POU2F2: variants seen among roughly 807,000 people sequenced by gnomAD.
POU2F2 encodes POU class 2 homeobox 2, also known as POU domain, class 2, transcription factor 2.
A neutral mutation model predicts 63.5 loss-of-function variants in POU2F2; 14 were observed. The ratio of observed to expected loss-of-function variants is 0.22; its 90% CI spans 0.15 to 0.34. The LOEUF (loss-of-function observed/expected upper bound fraction) is 0.34, where lower values mean the gene tolerates loss of function less well. Ranked by LOEUF, POU2F2 falls within the 10% of genes least tolerant of loss-of-function variation. POU2F2 has a pLI of 1.00. For missense variants in POU2F2, 607 were observed against 815.2 expected, an observed-to-expected ratio of 0.74 and a Z score of 3.11; for synonymous variants, 306 against 348.6, an observed-to-expected ratio of 0.88 and a Z score of 1.36.
Position 42,132,349 on chromosome 19 carries a change from C to G in POU2F2, c.28+35G>C, listed in dbSNP as rs577271104. On this transcript the variant is annotated intron_variant, in intron 1 of 14. Coordinates refer to ENST00000692977, the MANE Select transcript of POU2F2 (RefSeq NM_001394376.1). ...GAGCAAACCTAAATGTGCTGCCTGT[C>G]CTCTGAGCAGTGGCACAGGCACCAG... 13 of 1,583,540 alleles carry G rather than the reference C, an allele frequency of 8.2e-6. No homozygotes were observed. The African/African-American group carries it at 1.4e-4, about 17-fold the overall frequency.
chr19:42,122,252 C>T, intron 3 of POU2F2, 70 bp from the exon 4 acceptor site: 1 of 1,550,602 alleles, frequency 6.4e-7, no homozygotes, highest in Admixed American at 1.8e-5. Flanking sequence ...ACCCCCGCTC[C>T]CTGCCCTCCT....
At chr19:42,127,368 C>A (rs1165902649) in intron 1 of POU2F2, among the ~76,000 whole-genome samples, 1 of 151,774 alleles carries the variant, frequency 6.6e-6, no homozygotes, top group Non-Finnish European at 1.5e-5. Flanking sequence ...CAGAACCCAG[C>A]ATAAGCTCTG....
rs1030341795 is a variant in POU2F2 at position 42,086,532 on chromosome 19, A to G, written c.*4725T>C. 1 of 152,062 alleles carries G rather than the reference A, an allele frequency of 6.6e-6. No homozygotes were observed. Among genetic ancestry groups the G allele is most frequent in the African/African-American group, 2.4e-5 (1 of 41,370 alleles). The allele number at this position is 152,062 out of a possible 1,614,324, so 9.4% of individuals were successfully genotyped here. ...GGGCTGCGCCAATCAGGTCTTTACC[A>G]AGTAGGGTGGTCACCTTGCCCTAGT... is the stretch of plus-strand genomic sequence containing the variant. On this transcript the variant is annotated 3_prime_UTR_variant, in exon 15 of 15. Coordinates refer to ENST00000692977, the MANE Select transcript of POU2F2 (RefSeq NM_001394376.1).
Position 42,162,748 on chromosome 19 carries a change from C to T in POU2F2, c.-69-2356G>A, listed in dbSNP as rs1599695033. ...GCAGGGCCTGGCTCCTTTGGGGGTCCGAAGCATTGCCCAGCACAGGGAATG... is the reference window on the plus strand; with the variant it reads ...GCAGGGCCTGGCTCCTTTGGGGGTCTGAAGCATTGCCCAGCACAGGGAATG... On this transcript the variant is annotated intron_variant, in intron 1 of 6. Coordinates refer to the POU2F2 transcript ENST00000524801. This position sits in a 1 kb window ranked among gnomAD's most constrained non-coding sequence, Gnocchi z 4.1. 6.6e-6 allele frequency among the ~76,000 whole-genome samples: 1 copy of T among 152,038 alleles called. No homozygotes were observed. Among genetic ancestry groups the T allele is most frequent in the African/African-American group, 2.4e-5 (1 of 41,382 alleles).
In POU2F2 at chr19:42,162,009, G is replaced by C. The variant is rs1346608332; in HGVS notation, c.-69-1617C>G. On this transcript the variant is annotated intron_variant, in intron 1 of 6. Coordinates refer to the POU2F2 transcript ENST00000524801. This position sits in a 1 kb window ranked among gnomAD's most constrained non-coding sequence, Gnocchi z 4.1. ...CCCAGTCAAAACAATTAGCCGCGCT[G>C]AGTGTTGAACACGGTGGCGACACGG... Among the ~76,000 whole-genome samples, 1 of 152,224 alleles carries C rather than the reference G, an allele frequency of 6.6e-6. No individual in the cohort carries two copies. The highest frequency in any genetic ancestry group is 2.4e-5 in the African/African-American group (1 of 41,444).
At chr19:42,194,648 G>T (rs896455536) in intron 1 of POU2F2, among the ~76,000 whole-genome samples, 2 of 149,254 alleles carry the variant, frequency 1.3e-5, no homozygotes, top group Admixed American at 1.4e-4. Context: ...AATCCCAACT[G>T]CCAGGGAGGC....
intron 2 of POU2F2, among the ~76,000 whole-genome samples, chr19:42,139,844 C>T (rs1034901159): frequency 6.6e-6 from 1 of 152,220 alleles, no homozygotes; most frequent in African/African-American, 2.4e-5. Context: ...GGCCAACCTA[C>T]TCTAAAGAGG....
At chr19:42,101,252 T>C (rs2077130236) in intron 5 of POU2F2, among the ~76,000 whole-genome samples, 1 of 151,906 alleles carries the variant, frequency 6.6e-6, no homozygotes, top group Admixed American at 6.6e-5. Context: ...GGTTGCAGTG[T>C]CTCCCCCCAC....
At chr19:42,118,452 T>C (rs1456623261) in intron 4 of POU2F2, among the ~76,000 whole-genome samples, 1 of 152,190 alleles carries the variant, frequency 6.6e-6, no homozygotes, top group Non-Finnish European at 1.5e-5. Context: ...GCCACTCTTT[T>C]CAAAATCTAG....
chr19:42,100,085 CTT>C (rs948283094), intron 5 of POU2F2, among the ~76,000 whole-genome samples: 2 of 77,080 alleles, frequency 2.6e-5, no homozygotes, highest in African/African-American at 4.9e-5. Flanking sequence ...CCCTTTCTTT[CTT>C]TTTTTTTTTT....
chr19:42,136,882 C>G (rs1319659108), upstream of POU2F2: 1 of 152,264 alleles, frequency 6.6e-6, no homozygotes, highest in Non-Finnish European at 1.5e-5. Context: ...CAGCTCCTGG[C>G]TGAAGGTGGG....
At chr19:42,190,515 C>T (rs2035064369) in intron 1 of POU2F2, among the ~76,000 whole-genome samples, 1 of 151,938 alleles carries the variant, frequency 6.6e-6, no homozygotes, top group Non-Finnish European at 1.5e-5. Context: ...AGTTCTACCA[C>T]CTGGACCACA....
intron 2 of POU2F2, among the ~76,000 whole-genome samples, chr19:42,154,551 G>C (rs2034421175): frequency 6.6e-6 from 1 of 152,124 alleles, no homozygotes; most frequent in Non-Finnish European, 1.5e-5. Context: ...CAGATAAAGA[G>C]AGAACGGGGG....
chr19:42,146,425 C>T (rs1178812663), intron 2 of POU2F2, among the ~76,000 whole-genome samples: 1 of 152,218 alleles, frequency 6.6e-6, no homozygotes, highest in East Asian at 1.9e-4. Flanking sequence ...TGGCCTTCTG[C>T]CAATATGAAC....
intron 1 of POU2F2, among the ~76,000 whole-genome samples, chr19:42,187,489 A>G (rs1599731430): frequency 1.4e-5 from 2 of 147,146 alleles, no homozygotes; most frequent in Non-Finnish European, 3.0e-5. Flanking sequence ...AGGCCAGGTG[A>G]GGTGGCTCAA....
intron 1 of POU2F2, among the ~76,000 whole-genome samples, chr19:42,170,920 G>A (rs2034750602): frequency 6.6e-6 from 1 of 152,270 alleles, no homozygotes; most frequent in South Asian, 2.1e-4. Flanking sequence ...CACATCAGTT[G>A]TCGAGCCTCC....
chr19:42,116,360 A>G (rs1000646625), intron 5 of POU2F2, among the ~76,000 whole-genome samples: 9 of 152,158 alleles, frequency 5.9e-5, no homozygotes, highest in African/African-American at 1.9e-4. Context: ...CCCACATGGT[A>G]CCATTCACGA....
chr19:42,136,074 G>A (rs148836034), upstream of POU2F2, among the ~76,000 whole-genome samples: 16 of 152,104 alleles, frequency 1.1e-4, no homozygotes, highest in African/African-American at 3.9e-4. Context: ...GCAGCCCTAA[G>A]TCAAAGTCAA....
chr19:42,127,367 G>C (rs1255901552), intron 1 of POU2F2, among the ~76,000 whole-genome samples: 1 of 151,604 alleles, frequency 6.6e-6, no homozygotes, highest in African/African-American at 2.4e-5. Context: ...TCAGAACCCA[G>C]CATAAGCTCT....
Sources: allele counts gnomAD v4.1 joint callset (sites outside exome capture counted in the v4.1 genomes callset), GRCh38; gene constraint gnomAD v4.1.1; non-coding constraint Gnocchi (gnomAD v3.1); transcripts MANE v1.5; gene names NCBI Gene and HGNC (gene_info 2026-07-23, HGNC 2026-07-21).